Variants in PTPRJ observed in about 807,000 individuals in gnomAD.
PTPRJ encodes protein tyrosine phosphatase receptor type J.
Under a neutral mutation model 141.3 loss-of-function variants are expected in PTPRJ, and 129 were observed. That is an observed-to-expected ratio of 0.91 (90% CI 0.79 to 1.06). The LOEUF (loss-of-function observed/expected upper bound fraction) is 1.06. Ranked by LOEUF, PTPRJ falls within the 50% of genes least tolerant of loss-of-function variation. PTPRJ has a pLI of 0.00. For missense variants in PTPRJ, 1,601 were observed against 1,679.7 expected, an observed-to-expected ratio of 0.95 and a Z score of 0.82; for synonymous variants, 610 against 640.5, an observed-to-expected ratio of 0.95 and a Z score of 0.72.
chr11:48,144,766 A>G lies in PTPRJ; in HGVS notation c.2667A>G (p.Thr889=). The G allele has an allele frequency of 6.2e-7, 1 of 1,614,208 alleles. No individual in the cohort carries two copies. The highest frequency in any genetic ancestry group is 1.1e-5 in the South Asian group (1 of 91,090). ...CTTATGTGACATACCTCATAAGAAC[A>G]GAAGAAAAGGGACGTTCTCAGAGCT... ...SDTYVTYLIR[T]EEKGRSQSLS... The change falls in exon 13 of 25, where the codon ACA becomes ACG. Residue 889 remains threonine, a synonymous_variant. Coordinates refer to ENST00000418331, the MANE Select transcript of PTPRJ (RefSeq NM_002843.4).
At chr11:48,073,493 T>G (rs1855317141) in intron 1 of PTPRJ, among the ~76,000 whole-genome samples, 1 of 152,256 alleles carries the variant, frequency 6.6e-6, no homozygotes, top group Admixed American at 6.5e-5. Flanking sequence ...CAGTGTTTAC[T>G]AGCACAGACT....
intron 1 of PTPRJ, among the ~76,000 whole-genome samples, chr11:47,995,363 T>C (rs1854307092): frequency 6.6e-6 from 1 of 152,222 alleles, no homozygotes; most frequent in African/African-American, 2.4e-5. Context: ...GTTGTGGGCT[T>C]CCTTTGAGGC....
intron 21 of PTPRJ, among the ~76,000 whole-genome samples, chr11:48,159,161 G>A (rs3071026): frequency 0.048 from 6,318 of 130,336 alleles, 488 homozygotes; most frequent in Non-Finnish European, 0.066. Context: ...GTGTGTGTGT[G>A]GTCATTTGCC....
At chr11:48,000,650 G>C (rs2134189451) in intron 1 of PTPRJ, among the ~76,000 whole-genome samples, 1 of 152,036 alleles carries the variant, frequency 6.6e-6, no homozygotes. Context: ...CCTGGCTCTA[G>C]TACAACAGAC....
Position 48,163,444 on chromosome 11 carries a change from T to C in PTPRJ, c.3559-14T>C. ...CCTTTCTGTCTGGATCTAAATCATT[T>C]TCTGGGCTTTTAGATCCAGACAAGT... On this transcript the variant is annotated splice_polypyrimidine_tract_variant and intron_variant, in intron 22 of 24. Coordinates refer to ENST00000418331, the MANE Select transcript of PTPRJ (RefSeq NM_002843.4). 4 of 1,612,932 alleles carry C rather than the reference T, an allele frequency of 2.5e-6. No homozygotes were observed. The highest frequency in any genetic ancestry group is 3.4e-6 in the Non-Finnish European group (4 of 1,179,046).
intron 1 of PTPRJ, 119 bp from the exon 2 acceptor site, chr11:48,109,939 G>T (rs1856396301): frequency 2.6e-6 from 3 of 1,147,974 alleles, no homozygotes; most frequent in Non-Finnish European, 2.6e-6. Flanking sequence ...GCAGACCTTT[G>T]CTTAATGTGC....
At chr11:48,104,163 G>C (rs1429884532) in intron 1 of PTPRJ, among the ~76,000 whole-genome samples, 2 of 152,158 alleles carry the variant, frequency 1.3e-5, no homozygotes, top group African/African-American at 2.4e-5. Context: ...TGGCCTGCTT[G>C]TCTCTGCCTT....
chr11:48,116,645 A>G (rs1288631684), intron 3 of PTPRJ, among the ~76,000 whole-genome samples: 1 of 152,240 alleles, frequency 6.6e-6, no homozygotes, highest in African/African-American at 2.4e-5. Context: ...CACCTGGAAC[A>G]TTCTCCAGGT....
intron 1 of PTPRJ, among the ~76,000 whole-genome samples, chr11:48,053,223 A>ATATATT (rs1854629685): frequency 1.1e-5 from 1 of 89,024 alleles, no homozygotes; most frequent in Non-Finnish European, 1.9e-5. Flanking sequence ...TAATATATTA[A>ATATATT]ATATATTATA....
Position 48,112,676 on chromosome 11 carries a change from T to G in PTPRJ, c.116-71T>G, listed in dbSNP as rs148660345. Reference sequence around the variant, plus strand: ...TGCATTTCATTTCAGTGTAAATATTTTGTGAGGTGGGGCATCCCTGTCTCC... The same window carrying G: ...TGCATTTCATTTCAGTGTAAATATTGTGTGAGGTGGGGCATCCCTGTCTCC... On this transcript the variant is annotated intron_variant, in intron 2 of 24. Coordinates refer to ENST00000418331, the MANE Select transcript of PTPRJ (RefSeq NM_002843.4). The G allele has an allele frequency of 3.4e-4, 368 of 1,092,202 alleles. 2 individuals are homozygous for G. The African/African-American group carries it at 5.0e-3, about 15-fold the overall frequency. The allele number at this position is 1,092,202 out of a possible 1,614,324, so 67.7% of individuals were successfully genotyped here.
At chr11:48,050,866 A>G (rs773834439) in intron 1 of PTPRJ, among the ~76,000 whole-genome samples, 2 of 152,060 alleles carry the variant, frequency 1.3e-5, no homozygotes, top group Non-Finnish European at 2.9e-5. Context: ...GCCGAGGTGC[A>G]CTGTGCCTCT....
intron 1 of PTPRJ, among the ~76,000 whole-genome samples, chr11:48,026,023 G>C (rs112897365): frequency 6.6e-5 from 10 of 152,202 alleles, no homozygotes; most frequent in African/African-American, 1.9e-4. Context: ...CCCTGAAGTC[G>C]GCTACCCTCC....
intron 1 of PTPRJ, among the ~76,000 whole-genome samples, chr11:48,054,050 A>C (rs1198511745): frequency 6.7e-6 from 1 of 149,432 alleles, no homozygotes; most frequent in Non-Finnish European, 1.5e-5. Flanking sequence ...CTCCTGGCTC[A>C]GCCTCCCGAG....
Position 48,146,982 on chromosome 11 carries a change from A to T in PTPRJ, c.2999+19A>T, listed in dbSNP as rs1306130307. ...AGAAGAGGTGATATTGCTTATGCTAATAATAATACTCTGGTATTTAAGGAA... is the reference window on the plus strand; with the variant it reads ...AGAAGAGGTGATATTGCTTATGCTATTAATAATACTCTGGTATTTAAGGAA... On this transcript the variant is annotated intron_variant, in intron 15 of 24. Coordinates refer to ENST00000418331, the MANE Select transcript of PTPRJ (RefSeq NM_002843.4). The T allele has an allele frequency of 6.3e-7, 1 of 1,591,222 alleles. No homozygotes were observed. The highest frequency in any genetic ancestry group is 8.6e-7 in the Non-Finnish European group (1 of 1,159,352).
intron 1 of PTPRJ, among the ~76,000 whole-genome samples, chr11:47,996,910 C>T (rs1196426562): frequency 2.0e-5 from 3 of 152,180 alleles, no homozygotes; most frequent in South Asian, 2.1e-4. Flanking sequence ...AGCTTCTATC[C>T]GGCCACAGAG....
rs1472936537 is a variant in PTPRJ at position 48,092,617 on chromosome 11, A to T, written c.97-17441A>T. The stretch of plus-strand genomic sequence containing the variant: ...GCTAATTTTTGTATTTTTAGTAGAG[A>T]CAGGGTTTCACCATGTTGGCTAGGC... On this transcript the variant is annotated intron_variant, in intron 1 of 24. Transcript: ENST00000418331. 8.5e-5 allele frequency among the ~76,000 whole-genome samples: 13 copies of T among 152,140 alleles called. No individual in the cohort carries two copies. In the East Asian group the frequency reaches 1.6e-3, roughly 18 times the overall value.
At chr11:48,091,070 A>G (rs1257810982) in intron 1 of PTPRJ, among the ~76,000 whole-genome samples, 1 of 152,166 alleles carries the variant, frequency 6.6e-6, no homozygotes, top group Non-Finnish European at 1.5e-5. Context: ...TCAATCTGCA[A>G]TCCAGCAAAC....
intron 1 of PTPRJ, among the ~76,000 whole-genome samples, chr11:48,033,275 T>TG (rs1228460011): frequency 6.6e-6 from 1 of 151,228 alleles, no homozygotes; most frequent in Admixed American, 6.6e-5. Context: ...TGGAATGAGC[T>TG]GGGGGTGGAG....
At chr11:47,997,553 C>G (rs1223284147) in intron 1 of PTPRJ, among the ~76,000 whole-genome samples, 1 of 152,068 alleles carries the variant, frequency 6.6e-6, no homozygotes, top group Non-Finnish European at 1.5e-5. Flanking sequence ...TCGAGTTCTT[C>G]CCTAGTGTTT....
Sources: gnomAD v4.1 joint callset for allele counts (sites outside exome capture counted in the v4.1 genomes callset) on GRCh38, gnomAD v4.1.1 for gene constraint, MANE v1.5 for transcripts, NCBI Gene and HGNC (gene_info 2026-07-23, HGNC 2026-07-21) for gene names.